Variants in TMEM62 observed in about 807,000 individuals in gnomAD.
The protein encoded by TMEM62 is transmembrane protein 62.
TMEM62 carries 41 observed loss-of-function variants against 70.4 expected under a neutral mutation model. The ratio of observed to expected loss-of-function variants is 0.58; its 90% CI spans 0.45 to 0.76. The LOEUF is 0.76. Among genes scored for constraint, TMEM62 ranks in the 30% least tolerant of loss-of-function variants. The pLI, the probability that TMEM62 is intolerant of heterozygous loss-of-function variation, is 0.00. For synonymous variants in TMEM62, 268 were observed against 291.0 expected, an observed-to-expected ratio of 0.92 and a Z score of 0.80; for missense variants, 688 against 788.5, an observed-to-expected ratio of 0.87 and a Z score of 1.53.
At chr15:43,157,756 A>G (rs1382761081) in intron 9 of TMEM62, among the ~76,000 whole-genome samples, 2 of 152,208 alleles carry the variant, frequency 1.3e-5, no homozygotes, top group African/African-American at 4.8e-5. Context: ...AAACTTAACC[A>G]TGATACCATA....
chr15:43,143,130 T>C (rs1293909825), intron 4 of TMEM62, among the ~76,000 whole-genome samples: 1 of 152,064 alleles, frequency 6.6e-6, no homozygotes, highest in African/African-American at 2.4e-5. Flanking sequence ...GGCACCATCT[T>C]GGCTCACTGC....
In TMEM62 at chr15:43,151,725, T is replaced by C. The variant is rs1054816801; in HGVS notation, c.867-65T>C. On this transcript the variant is annotated intron_variant, in intron 7 of 13. Coordinates refer to ENST00000260403, the MANE Select transcript of TMEM62 (RefSeq NM_024956.4). ...TATGTATTTTTATATTTGTTCTGTA[T>C]ATTACCTTCATGACCTCTTACAATG... 25 of 1,426,812 alleles carry C rather than the reference T, an allele frequency of 1.8e-5. No individual in the cohort carries two copies. In the African/African-American group the frequency reaches 2.7e-4, roughly 16 times the overall value. 88.4% of individuals were successfully genotyped at this position (1,426,812 alleles called of 1,614,324 possible). A position where few individuals can be genotyped will look rare whatever the true frequency, so the allele number is the denominator to read the frequency against.
At chr15:43,151,601 A>C (rs1459910094) in intron 7 of TMEM62, among the ~76,000 whole-genome samples, 189 bp from the exon 8 acceptor site, 1 of 152,238 alleles carries the variant, frequency 6.6e-6, no homozygotes, top group East Asian at 1.9e-4. Flanking sequence ...AGAGGCAGTT[A>C]TGTGACAAAT....
chr15:43,158,289 A>G (rs2038288190), intron 9 of TMEM62, among the ~76,000 whole-genome samples: 1 of 152,218 alleles, frequency 6.6e-6, no homozygotes, highest in Admixed American at 6.5e-5. Context: ...CAGTGTATTC[A>G]GCTGTTGGTA....
chr15:43,184,607 C>T lies in TMEM62; in HGVS notation c.*21C>T, dbSNP rs375763790. ...CCTGAAGGCCATGTCTCACCACTGG[C>T]AGCTGGGCAGAAGCCCAGCCTCTGT... On this transcript the variant is annotated 3_prime_UTR_variant, in exon 14 of 14. Transcript: ENST00000260403. The T allele has an allele frequency of 8.9e-5, 143 of 1,599,206 alleles. No individual in the cohort carries two copies. The highest frequency in any genetic ancestry group is 1.2e-4 in the Non-Finnish European group (137 of 1,175,470).
chr15:43,171,813 G>C (rs922070330), intron 11 of TMEM62, among the ~76,000 whole-genome samples: 14 of 151,710 alleles, frequency 9.2e-5, no homozygotes, highest in African/African-American at 3.4e-4. Context: ...ATTTTTAGTA[G>C]AGACAGGGTT....
intron 10 of TMEM62, among the ~76,000 whole-genome samples, chr15:43,168,187 G>GAGAGGGAGAGGA (rs2039790774): frequency 7.4e-6 from 1 of 134,432 alleles, no homozygotes; most frequent in African/African-American, 2.8e-5. Flanking sequence ...GACGGAGAGG[G>GAGAGGGAGAGGA]AGAGGGAGAG....
intron 11 of TMEM62, among the ~76,000 whole-genome samples, chr15:43,172,035 TA>T (rs951034312): frequency 3.3e-5 from 5 of 152,084 alleles, no homozygotes; most frequent in South Asian, 2.1e-4. Flanking sequence ...TTATAATCTC[TA>T]AAAAAAATTT....
chr15:43,134,273 T>TC lies in TMEM62; in HGVS notation c.197_198insC (p.Ser67GlufsTer18). 6.2e-7 allele frequency: 1 copy of TC among 1,614,204 alleles called. No individual in the cohort carries two copies. The highest frequency in any genetic ancestry group is 1.1e-5 in the South Asian group (1 of 91,086). On this transcript the variant is annotated frameshift_variant, in exon 2 of 14. Coordinates refer to ENST00000260403, the MANE Select transcript of TMEM62 (RefSeq NM_024956.4). LOFTEE classifies it high-confidence loss of function. ...TTTCGGCAGATATCCGACATTCACC[T>TC]GAGCAGGTTTCGAGATCCAGGCAGA... is the stretch of plus-strand genomic sequence containing the variant.
intron 10 of TMEM62, among the ~76,000 whole-genome samples, chr15:43,167,157 G>A (rs1049951083): frequency 4.7e-5 from 7 of 149,056 alleles, no homozygotes; most frequent in African/African-American, 1.7e-4. Context: ...GGCTGGCCAG[G>A]CGGGGGGCTG....
chr15:43,181,739 T>A (rs1271170321), intron 13 of TMEM62, among the ~76,000 whole-genome samples: 2 of 152,200 alleles, frequency 1.3e-5, no homozygotes, highest in African/African-American at 2.4e-5. Context: ...TGACCTCAGA[T>A]GATTCACCTG....
intron 10 of TMEM62, among the ~76,000 whole-genome samples, chr15:43,168,004 A>G (rs1004212701): frequency 6.6e-6 from 1 of 151,966 alleles, no homozygotes; most frequent in Non-Finnish European, 1.5e-5. Flanking sequence ...CACGCCTGCA[A>G]TCGCAGGCAC....
intron 13 of TMEM62, chr15:43,184,002 T>A (rs2041646613): frequency 2.0e-6 from 1 of 509,870 alleles, no homozygotes. Context: ...GGGTATTAAC[T>A]GTGTATATGA....
intron 10 of TMEM62, among the ~76,000 whole-genome samples, chr15:43,167,827 G>C (rs1164359612): frequency 6.6e-6 from 1 of 152,180 alleles, no homozygotes; most frequent in African/African-American, 2.4e-5. Context: ...ACTCCAGCCT[G>C]GGCACCATTG....
intron 12 of TMEM62, 112 bp from the exon 13 acceptor site, chr15:43,181,069 T>C (rs968163787): frequency 1.4e-6 from 1 of 733,764 alleles, no homozygotes; most frequent in Non-Finnish European, 2.4e-6. Context: ...AAAATGCTTA[T>C]AGATGGCTAG....
At chr15:43,167,235 G>C (rs1215143639) in intron 10 of TMEM62, among the ~76,000 whole-genome samples, 1 of 151,630 alleles carries the variant, frequency 6.6e-6, no homozygotes, top group East Asian at 2.0e-4. Context: ...CCTCCCTCCC[G>C]GATGGGGCGG....
Position 43,178,695 on chromosome 15 carries a change from C to T in TMEM62, c.1470C>T (p.Thr490=), listed in dbSNP as rs1233961104. ...NIFYYSVLLL[T]LYTVLGPWFF... ...TCTACTATTCTGTGTTGTTGTTGAC[C>T]CTGTATACAGTGCTGGGTAAGTAAA... is the stretch of plus-strand genomic sequence containing the variant. Residue 490 remains threonine, a synonymous_variant, in exon 12 of 14, where the codon ACC becomes ACT. Coordinates refer to ENST00000260403, the MANE Select transcript of TMEM62 (RefSeq NM_024956.4). The T allele has an allele frequency of 6.2e-7, 1 of 1,608,796 alleles. No homozygotes were observed. Among genetic ancestry groups the T allele is most frequent in the South Asian group, 1.1e-5 (1 of 90,718 alleles).
At chr15:43,182,234 C>A (rs1179456102) in intron 13 of TMEM62, among the ~76,000 whole-genome samples, 1 of 152,120 alleles carries the variant, frequency 6.6e-6, no homozygotes. Context: ...AGTTAGTGGA[C>A]CAAAATTTGA....
chr15:43,134,309 T>TA lies in TMEM62; in HGVS notation c.234dup (p.Glu79ArgfsTer6), dbSNP rs757666879. 42 of 1,614,060 alleles carry TA rather than the reference T, an allele frequency of 2.6e-5. No homozygotes were observed. Among genetic ancestry groups the TA allele is most frequent in the Non-Finnish European group, 3.2e-5 (38 of 1,180,026 alleles). ...CGAGATCCAGGCAGAGCGGTAGACT[T>TA]AGAGAAATTCTGTTCTGAAACTATT... On this transcript the variant is annotated frameshift_variant, in exon 2 of 14. Transcript: ENST00000260403. LOFTEE classifies it high-confidence loss of function.
Sources: gnomAD v4.1 joint callset for allele counts (sites outside exome capture counted in the v4.1 genomes callset) on GRCh38, gnomAD v4.1.1 for gene constraint, MANE v1.5 for transcripts, NCBI Gene and HGNC (gene_info 2026-07-23, HGNC 2026-07-21) for gene names.